The following ATP10B variants were observed in gnomAD, a reference collection of about 807,000 sequenced individuals.
The protein encoded by ATP10B is ATPase phospholipid transporting 10B (putative).
ATP10B carries 122 observed loss-of-function variants against 141.2 expected under a neutral mutation model. The ratio of observed to expected loss-of-function variants is 0.86; its 90% CI spans 0.75 to 1.00. The LOEUF is 1.00. ATP10B is among the 50% of genes least tolerant of loss of function. The pLI, the probability that ATP10B is intolerant of heterozygous loss-of-function variation, is 0.00. For synonymous variants in ATP10B, 685 were observed against 692.0 expected (o/e 0.99, Z 0.16); for missense variants, 1,876 against 1,825.3 (o/e 1.03, Z -0.51).
chr5:160,868,970 T>A, the ATP10B span, among the ~76,000 whole-genome samples: 2 of 152,112 alleles, frequency 1.3e-5, no homozygotes, highest in Non-Finnish European at 2.9e-5. Flanking sequence ...CGGGGAAAAG[T>A]ATGCATTGGA....
the ATP10B span, among the ~76,000 whole-genome samples, chr5:160,878,741 T>C: frequency 1.5e-4 from 23 of 152,194 alleles, no homozygotes; most frequent in South Asian, 4.2e-3. Context: ...GAACAGACAC[T>C]TCTCAAAACA....
chr5:160,656,190 G>A (rs1761481971), intron 7 of ATP10B, among the ~76,000 whole-genome samples: 1 of 152,132 alleles, frequency 6.6e-6, no homozygotes, highest in African/African-American at 2.4e-5. Context: ...GAAATTGTTT[G>A]TAATGGATAG....
At chr5:160,868,393 G>A in the ATP10B span, among the ~76,000 whole-genome samples, 13 of 152,052 alleles carry the variant, frequency 8.5e-5, no homozygotes, top group Admixed American at 7.2e-4. Flanking sequence ...GCTTTAGGCA[G>A]TTTATGCCAC....
At chr5:160,770,401 G>A (rs1310026977) in intron 2 of ATP10B, among the ~76,000 whole-genome samples, 1 of 149,224 alleles carries the variant, frequency 6.7e-6, no homozygotes, top group Admixed American at 6.9e-5. Context: ...CTGAGCACGA[G>A]TTCTGGCCCT....
At chr5:160,755,623 G>A (rs1272021220) in intron 2 of ATP10B, among the ~76,000 whole-genome samples, 1 of 149,208 alleles carries the variant, frequency 6.7e-6, no homozygotes, top group Non-Finnish European at 1.5e-5. Context: ...AGACCATCCC[G>A]GCTAAAACGG....
intron 2 of ATP10B, among the ~76,000 whole-genome samples, chr5:160,748,722 G>A (rs1005736027): frequency 2.6e-5 from 4 of 152,158 alleles, no homozygotes; most frequent in African/African-American, 9.7e-5. Flanking sequence ...ATGTTAATTG[G>A]TTTCATAACT....
the ATP10B span, among the ~76,000 whole-genome samples, chr5:160,909,746 G>A: frequency 6.6e-6 from 1 of 152,156 alleles, no homozygotes. Context: ...TGACGATAAC[G>A]TATTTATCTC....
intron 2 of ATP10B, among the ~76,000 whole-genome samples, chr5:160,776,461 T>A (rs1043050149): frequency 2.3e-4 from 35 of 152,230 alleles, no homozygotes; most frequent in Admixed American, 2.6e-4. Flanking sequence ...CTACATTGTC[T>A]GATTTTTCAC....
chr5:160,922,512 C>A, the ATP10B span, among the ~76,000 whole-genome samples: 1 of 152,164 alleles, frequency 6.6e-6, no homozygotes, highest in African/African-American at 2.4e-5. Context: ...GGTCACCACC[C>A]AGCCAAATTT....
At chr5:160,678,372 AT>A (rs1465661865) in intron 6 of ATP10B, among the ~76,000 whole-genome samples, 2 of 152,178 alleles carry the variant, frequency 1.3e-5, no homozygotes, top group Non-Finnish European at 2.9e-5. Flanking sequence ...TAAAAAAAAA[AT>A]TACTGGCTGG....
At chr5:160,603,733 A>G (rs1581186466) in intron 20 of ATP10B, 2 of 514,300 alleles carry the variant, frequency 3.9e-6, no homozygotes, top group East Asian at 6.1e-5. Flanking sequence ...TTTAAATGGG[A>G]AAATTTAGCA....
At chr5:160,833,492 ATATT>A (rs1231768063) in intron 1 of ATP10B, among the ~76,000 whole-genome samples, 1 of 152,168 alleles carries the variant, frequency 6.6e-6, no homozygotes, top group African/African-American at 2.4e-5. Context: ...CAAGGAGTTA[ATATT>A]TATTTCATCC....
chr5:160,849,417 G>A (rs898562733), intron 1 of ATP10B, among the ~76,000 whole-genome samples: 2 of 152,146 alleles, frequency 1.3e-5, no homozygotes, highest in African/African-American at 4.8e-5. Flanking sequence ...AAGGCTCCCT[G>A]CATTGGCAAC....
At position 160,819,285 on chromosome 5, in the gene ATP10B, T is replaced by G. The variant is rs114518422; in HGVS notation, c.-576+32656A>C. 7.0e-3 allele frequency among the ~76,000 whole-genome samples: 1,062 copies of G among 152,154 alleles called. 17 individuals carry two copies. The highest frequency in any genetic ancestry group is 0.024 in the African/African-American group (1,001 of 41,512). On this transcript the variant is annotated intron_variant, in intron 1 of 25. Coordinates refer to ENST00000327245, the MANE Select transcript of ATP10B (RefSeq NM_025153.3). ...GAGAGCATAGCATGACATACTTAAA[T>G]TACTTAAGGAAAAAAAATTATCCTA...
In ATP10B at chr5:160,565,479, G is replaced by C. The variant is rs200376757; in HGVS notation, c.4360C>G (p.Arg1454Gly). The C allele has an allele frequency of 6.2e-7, 1 of 1,614,068 alleles. No individual in the cohort carries two copies. Among genetic ancestry groups the C allele is most frequent in the South Asian group, 1.1e-5 (1 of 91,076 alleles). Residue 1454 changes from arginine (R) to glycine (G), a missense_variant, in exon 26 of 26, where the codon CGA becomes GGA. By Grantham distance (125) the Arg-to-Gly change is moderately radical. Coordinates refer to ENST00000327245, the MANE Select transcript of ATP10B (RefSeq NM_025153.3). The stretch of plus-strand genomic sequence containing the variant: ...CATATGGTCAGTGAACTCTGGGATC[G>C]GCGATGGCTGCTCCTCTTTGAGCAC... ...CRCSKRSSHRRSQSSLTI is the reference protein window; with the variant it reads ...CRCSKRSSHRGSQSSLTI
At chr5:160,685,141 C>T (rs751259641) in intron 6 of ATP10B, 3 of 697,864 alleles carry the variant, frequency 4.3e-6, no homozygotes, top group South Asian at 1.5e-5. Context: ...GTGAGACCAT[C>T]CTTCAAAGAG....
chr5:160,780,403 C>A (rs1055347889), intron 2 of ATP10B, among the ~76,000 whole-genome samples: 4 of 152,094 alleles, frequency 2.6e-5, no homozygotes, highest in Admixed American at 6.6e-5. Flanking sequence ...ACAATACTAA[C>A]AATGCATTTG....
chr5:160,715,324 G>A (rs1236527864), intron 3 of ATP10B, among the ~76,000 whole-genome samples: 6 of 133,256 alleles, frequency 4.5e-5, no homozygotes, highest in Non-Finnish European at 6.5e-5. Context: ...GTGGTGCGCC[G>A]TTTCTTAAGC....
At chr5:160,652,062 C>G (rs1396042080) in intron 7 of ATP10B, among the ~76,000 whole-genome samples, 2 of 152,104 alleles carry the variant, frequency 1.3e-5, no homozygotes, top group African/African-American at 4.8e-5. Flanking sequence ...TTTAATCACA[C>G]CTGCCGGGCC....
Sources: allele counts gnomAD v4.1 joint callset (sites outside exome capture counted in the v4.1 genomes callset), GRCh38; gene constraint gnomAD v4.1.1; transcripts MANE v1.5; gene names NCBI Gene and HGNC (gene_info 2026-07-23, HGNC 2026-07-21).